NELL2: variants seen among roughly 807,000 people sequenced by gnomAD.
The protein encoded by NELL2 is neural EGFL like 2.
In NELL2, 41 loss-of-function variants were observed where a neutral mutation model predicts 109.6. That is an observed-to-expected ratio of 0.37 (90% CI 0.29 to 0.49). The LOEUF (loss-of-function observed/expected upper bound fraction) is 0.49. Among genes scored for constraint, NELL2 ranks in the 20% least tolerant of loss-of-function variants. The pLI is 0.98. For synonymous variants in NELL2, 355 were observed against 344.7 expected (o/e 1.03, Z -0.33); for missense variants, 900 against 1,008.3 (o/e 0.89, Z 1.45).
chr12:44,732,535 C>T (rs917125832), intron 9 of NELL2, among the ~76,000 whole-genome samples: 1 of 151,954 alleles, frequency 6.6e-6, no homozygotes, highest in African/African-American at 2.4e-5. Context: ...CTATCTTACA[C>T]CATGCACAAA....
At chr12:44,831,601 C>A (rs1314136515) in intron 2 of NELL2, among the ~76,000 whole-genome samples, 1 of 152,094 alleles carries the variant, frequency 6.6e-6, no homozygotes. Context: ...AACTTCATTC[C>A]CCTATATCCT....
rs961173066 is a variant in NELL2 at position 44,665,560 on chromosome 12, C to T, written c.1368G>A (p.Met456Ile). The T allele has an allele frequency of 4.3e-6, 7 of 1,613,402 alleles. No homozygotes were observed. The African/African-American group carries it at 9.3e-5, about 22-fold the overall frequency. The change falls in exon 13 of 20, where the codon ATG becomes ATA. Residue 456 changes from methionine (M) to isoleucine (I), a missense_variant. Coordinates refer to ENST00000429094, the MANE Select transcript of NELL2 (RefSeq NM_001145108.2). ...EGRHYCRENT[M>I]CVNTPGSFMC... ...TAAAAGAACCCGGGGTGTTGACACA[C>T]ATTGTATTTTCACGACAGTAATGGC...
chr12:44,569,105 C>A (rs1286916159), intron 15 of NELL2, among the ~76,000 whole-genome samples: 1 of 152,126 alleles, frequency 6.6e-6, no homozygotes, highest in Non-Finnish European at 1.5e-5. Flanking sequence ...CATCATTTAG[C>A]TTCCACTTAT....
intron 12 of NELL2, among the ~76,000 whole-genome samples, chr12:44,686,174 A>G (rs185578079): frequency 0.059 from 8,907 of 151,946 alleles, 863 homozygotes; most frequent in African/African-American, 0.2. Context: ...TTCATCTTCC[A>G]TCGCTGATAC....
At chr12:44,538,448 C>T (rs1352688488) in intron 15 of NELL2, among the ~76,000 whole-genome samples, 1 of 152,220 alleles carries the variant, frequency 6.6e-6, no homozygotes, top group Non-Finnish European at 1.5e-5. Flanking sequence ...CACACGTTCA[C>T]ATTCATCATT....
chr12:44,587,305 ATATTTTT>A (rs1236270706), intron 15 of NELL2, among the ~76,000 whole-genome samples: 2 of 118,122 alleles, frequency 1.7e-5, no homozygotes, highest in African/African-American at 7.6e-5. Flanking sequence ...ATATATATAT[ATATTTTT>A]TTTTAAATAT....
chr12:44,619,745 C>T (rs1257595376), intron 13 of NELL2, among the ~76,000 whole-genome samples: 1 of 152,108 alleles, frequency 6.6e-6, no homozygotes, highest in African/African-American at 2.4e-5. Flanking sequence ...GTAACGTATA[C>T]ATGCAGCATA....
chr12:44,699,506 T>C (rs1949161535), intron 12 of NELL2, among the ~76,000 whole-genome samples: 1 of 152,058 alleles, frequency 6.6e-6, no homozygotes. Flanking sequence ...AAAAAGTGGG[T>C]CGGGCAGAAG....
intron 11 of NELL2, among the ~76,000 whole-genome samples, chr12:44,707,300 G>GT (rs749132566): frequency 6.6e-5 from 10 of 152,130 alleles, no homozygotes; most frequent in Non-Finnish European, 1.0e-4. Context: ...TTTATTCAGT[G>GT]TATGAGAATG....
intron 1 of NELL2, among the ~76,000 whole-genome samples, chr12:44,892,826 AAATTCAACATTAGTAAGGAGCAC>A: frequency 6.6e-6 from 1 of 150,642 alleles, no homozygotes; most frequent in East Asian, 2.0e-4. Flanking sequence ...AAAAGAAACC[AAATTCAACATTAGTAAGGAGCAC>A]AATTCAACAT....
At chr12:44,791,047 A>G (rs1210511935) in intron 3 of NELL2, among the ~76,000 whole-genome samples, 1 of 129,650 alleles carries the variant, frequency 7.7e-6, no homozygotes, top group Admixed American at 8.2e-5. Context: ...GGAGATAGAC[A>G]CCAAGAAGAA....
At chr12:44,551,772 C>T (rs1376995) in intron 15 of NELL2, among the ~76,000 whole-genome samples, 15,970 of 152,178 alleles carry the variant, frequency 0.1, 2,823 homozygotes, top group African/African-American at 0.36. Context: ...ATAGGTAGGG[C>T]TTAGTGCCCA....
At position 44,876,057 on chromosome 12, in the gene NELL2, A is replaced by G. The variant is rs890029980; in HGVS notation, c.-188T>C. The G allele has an allele frequency of 1.4e-6, 2 of 1,445,680 alleles. No homozygotes were observed. The highest frequency in any genetic ancestry group is 2.9e-5 in the African/African-American group (2 of 69,950). 89.6% of individuals were successfully genotyped at this position (1,445,680 alleles called of 1,614,324 possible). A position where few individuals can be genotyped will look rare whatever the true frequency, so the allele number is the denominator to read the frequency against. ...GGGAGGCCTCCCCAGGCGCGTGAAG[A>G]ACTTAGACCCTCCAATGCGCACATC... is the stretch of plus-strand genomic sequence containing the variant. On this transcript the variant is annotated 5_prime_UTR_variant, in exon 1 of 20. Transcript: ENST00000429094.
chr12:44,609,069 T>C (rs979918114), intron 14 of NELL2, among the ~76,000 whole-genome samples: 1 of 151,946 alleles, frequency 6.6e-6, no homozygotes, highest in African/African-American at 2.4e-5. Context: ...TTACTTGTTT[T>C]TGTTTTACCC....
At chr12:44,592,772 A>AG (rs1483073912) in intron 15 of NELL2, among the ~76,000 whole-genome samples, 1 of 152,226 alleles carries the variant, frequency 6.6e-6, no homozygotes, top group African/African-American at 2.4e-5. Context: ...GCACATTGCT[A>AG]GGGCTCTTTC....
At chr12:44,613,402 T>C (rs971773867) in intron 13 of NELL2, among the ~76,000 whole-genome samples, 4 of 152,152 alleles carry the variant, frequency 2.6e-5, no homozygotes, top group African/African-American at 9.7e-5. Context: ...TGGGGCAAGA[T>C]AGGAACTACT....
chr12:44,726,300 A>T (rs1195360507), intron 9 of NELL2, among the ~76,000 whole-genome samples: 2 of 152,208 alleles, frequency 1.3e-5, no homozygotes, highest in Admixed American at 1.3e-4. Flanking sequence ...AAGTTTTGTT[A>T]TTCCTTCAAA....
chr12:44,763,392 A>ATGAAAC (rs1481849500), intron 9 of NELL2, among the ~76,000 whole-genome samples: 3 of 152,342 alleles, frequency 2.0e-5, no homozygotes, highest in Middle Eastern at 3.4e-3. Flanking sequence ...CCCACAAAAT[A>ATGAAAC]GTATGAAAAG....
At chr12:44,800,904 T>G (rs1387332123) in intron 3 of NELL2, among the ~76,000 whole-genome samples, 3 of 152,284 alleles carry the variant, frequency 2.0e-5, no homozygotes, top group South Asian at 2.1e-4. Context: ...CAACACTGCA[T>G]CATCTGTTTT....
Sources: gnomAD v4.1 joint callset for allele counts (sites outside exome capture counted in the v4.1 genomes callset) on GRCh38, gnomAD v4.1.1 for gene constraint, MANE v1.5 for transcripts, NCBI Gene and HGNC (gene_info 2026-07-23, HGNC 2026-07-21) for gene names.